CHLSN: variants seen among roughly 807,000 people sequenced by gnomAD.
The protein encoded by CHLSN is protein cholesin.
chr7:1,028,156 C>G, the CHLSN span: 8 of 835,692 alleles, frequency 9.6e-6, no homozygotes, highest in African/African-American at 1.8e-5. Context: ...GCCACGGCCT[C>G]CCACGGGAGC....
At chr7:984,578 G>A in the CHLSN span, 13 of 1,560,260 alleles carry the variant, frequency 8.3e-6, no homozygotes, top group East Asian at 4.8e-5. Flanking sequence ...GGTGGAGGTC[G>A]GTGTGTGGCC....
the CHLSN span, among the ~76,000 whole-genome samples, chr7:1,008,579 G>A: frequency 6.6e-6 from 1 of 152,138 alleles, no homozygotes; most frequent in Admixed American, 6.5e-5. Context: ...CGCTATGGCT[G>A]AGCTCATTCT....
chr7:994,028 C>A, the CHLSN span, among the ~76,000 whole-genome samples: 1 of 152,208 alleles, frequency 6.6e-6, no homozygotes, highest in Non-Finnish European at 1.5e-5. Flanking sequence ...CGTGTTCGCA[C>A]CCCCAATGTC....
chr7:997,693 C>T, the CHLSN span: 1 of 1,611,204 alleles, frequency 6.2e-7, no homozygotes, highest in Non-Finnish European at 8.5e-7. Context: ...TCAGAGCCCT[C>T]CTCATCCAGC....
chr7:1,042,701 G>A, the CHLSN span, among the ~76,000 whole-genome samples: 1 of 152,166 alleles, frequency 6.6e-6, no homozygotes, highest in African/African-American at 2.4e-5. Context: ...CCCAGCCACA[G>A]AGCACCCCTG....
the CHLSN span, among the ~76,000 whole-genome samples, chr7:1,091,159 G>A: frequency 2.0e-4 from 31 of 152,288 alleles, no homozygotes; most frequent in African/African-American, 6.7e-4. Flanking sequence ...AGTGACTCAC[G>A]TCCAGCCTCC....
At chr7:1,081,974 G>C in the CHLSN span, 1 of 152,218 alleles carries the variant, frequency 6.6e-6, no homozygotes, top group Non-Finnish European at 1.5e-5. Flanking sequence ...GGGAGAGCAG[G>C]GCGGACCCCG....
At chr7:1,104,852 G>A in the CHLSN span, among the ~76,000 whole-genome samples, 13 of 152,214 alleles carry the variant, frequency 8.5e-5, no homozygotes, top group Admixed American at 7.8e-4. Flanking sequence ...GAACTTTCTG[G>A]AGCACACTAT....
the CHLSN span, among the ~76,000 whole-genome samples, chr7:1,062,942 C>G: frequency 6.6e-6 from 1 of 152,206 alleles, no homozygotes; most frequent in South Asian, 2.1e-4. Context: ...CTATTCCTAA[C>G]CCCCTAACCA....
the CHLSN span, among the ~76,000 whole-genome samples, chr7:1,015,855 C>T: frequency 5.3e-5 from 8 of 152,196 alleles, no homozygotes; most frequent in East Asian, 5.8e-4. Flanking sequence ...GAGTGCTGAC[C>T]GCCACTCTCC....
chr7:1,047,628 A>G, the CHLSN span, among the ~76,000 whole-genome samples: 1,886 of 152,376 alleles, frequency 0.012, 15 homozygotes, highest in Non-Finnish European at 0.021. Context: ...TTGTTCTAGA[A>G]TATTCACCCA....
chr7:1,042,101 G>A, the CHLSN span, among the ~76,000 whole-genome samples: 1 of 151,950 alleles, frequency 6.6e-6, no homozygotes, highest in Admixed American at 6.6e-5. Flanking sequence ...CAGGAGCCTC[G>A]GCAGTGTGCG....
At chr7:1,075,213 G>A in the CHLSN span, among the ~76,000 whole-genome samples, 13 of 152,126 alleles carry the variant, frequency 8.5e-5, no homozygotes, top group South Asian at 2.1e-4. Flanking sequence ...TAGACGGGTG[G>A]TTAGAAACAG....
chr7:1,073,530 CT>C, the CHLSN span, among the ~76,000 whole-genome samples: 1 of 152,082 alleles, frequency 6.6e-6, no homozygotes, highest in Admixed American at 6.6e-5. Context: ...CCTTGAGACA[CT>C]TTTTTTACTG....
chr7:1,053,042 G>A, the CHLSN span, among the ~76,000 whole-genome samples: 6 of 152,226 alleles, frequency 3.9e-5, no homozygotes, highest in African/African-American at 9.6e-5. Flanking sequence ...CATGGCTGAC[G>A]GGAAAGAAGG....
At chr7:1,045,256 A>T in the CHLSN span, 3 of 152,236 alleles carry the variant, frequency 2.0e-5, no homozygotes, top group East Asian at 5.8e-4. Context: ...ATGAATCTTG[A>T]TGTGACTGGT....
At chr7:1,116,551 G>A in the CHLSN span, among the ~76,000 whole-genome samples, 2 of 60,312 alleles carry the variant, frequency 3.3e-5, no homozygotes. Flanking sequence ...TTCCATCACC[G>A]ACGCCCACGC....
At chr7:1,134,279 G>A in the CHLSN span, among the ~76,000 whole-genome samples, 1 of 143,776 alleles carries the variant, frequency 7.0e-6, no homozygotes, top group African/African-American at 2.8e-5. Context: ...TCTCTTAAAA[G>A]GGTGGGGGGC....
chr7:1,055,848 A>C, the CHLSN span, among the ~76,000 whole-genome samples: 4 of 152,146 alleles, frequency 2.6e-5, no homozygotes, highest in East Asian at 7.7e-4. Flanking sequence ...AGGCCAGGCC[A>C]GGCTGCTGAC....
Sources: gnomAD v4.1 joint callset for allele counts (sites outside exome capture counted in the v4.1 genomes callset) on GRCh38, gnomAD v4.1.1 for gene constraint, MANE v1.5 for transcripts, NCBI Gene and HGNC (gene_info 2026-07-23, HGNC 2026-07-21) for gene names.